ITGB5: variants seen among roughly 807,000 people sequenced by gnomAD.
The protein encoded by ITGB5 is integrin subunit beta 5, also known as integrin beta-5.
Under a neutral mutation model 84.8 loss-of-function variants are expected in ITGB5, and 38 were observed. The ratio of observed to expected loss-of-function variants is 0.45; its 90% CI spans 0.35 to 0.59. ITGB5 has a LOEUF of 0.59. Among genes scored for constraint, ITGB5 ranks in the 20% least tolerant of loss-of-function variants. The pLI is 0.01. For synonymous variants in ITGB5, 393 were observed against 414.4 expected, an observed-to-expected ratio of 0.95 and a Z score of 0.63; for missense variants, 905 against 1,034.5, an observed-to-expected ratio of 0.87 and a Z score of 1.72.
intron 14 of ITGB5, among the ~76,000 whole-genome samples, chr3:124,764,126 T>C (rs1288927417): frequency 2.0e-5 from 3 of 152,196 alleles, no homozygotes; most frequent in Non-Finnish European, 4.4e-5. Context: ...TCTCTGAGAC[T>C]GGTCAGACTC....
chr3:124,827,641 T>A (rs1350397492), intron 5 of ITGB5, among the ~76,000 whole-genome samples: 3 of 152,188 alleles, frequency 2.0e-5, no homozygotes, highest in African/African-American at 7.2e-5. Flanking sequence ...TGTAAAATGA[T>A]AAATGTTCTT....
At position 124,819,763 on chromosome 3, in the gene ITGB5, T is replaced by C. The variant is rs2107556461; in HGVS notation, c.1014A>G (p.Thr338=). ...CCTTGTACAGCATATAATGGTTTTT[T>C]GTCACTGCAAAGATGAGGTTGATGT... The part of the protein sequence containing the change: ...ENNINLIFAV[T]KNHYMLYKNF... Residue 338 remains threonine, a synonymous_variant, in exon 7 of 15, where the codon ACA becomes ACG. Coordinates refer to ENST00000296181, the MANE Select transcript of ITGB5 (RefSeq NM_002213.5). 2 of 1,613,542 alleles carry C rather than the reference T, an allele frequency of 1.2e-6. No homozygotes were observed. The highest frequency in any genetic ancestry group is 8.5e-7 in the Non-Finnish European group (1 of 1,179,450).
chr3:124,769,015 A>C lies in ITGB5; in HGVS notation c.2015T>G (p.Ile672Ser). 1 of 1,610,860 alleles carries C rather than the reference A, an allele frequency of 6.2e-7. No homozygotes were observed. The highest frequency in any genetic ancestry group is 1.3e-5 in the African/African-American group (1 of 74,986). The change falls in exon 12 of 15, where the codon ATC becomes AGC. Residue 672 changes from isoleucine to serine, a missense_variant and splice_region_variant. By Grantham distance (142) the Ile-to-Ser change is moderately radical. Coordinates refer to ENST00000296181, the MANE Select transcript of ITGB5 (RefSeq NM_002213.5). ...RDEVITWVDT[I>S]VKDDQEAVLC... ...CCGGGTGGTGGCAGCACACTCACCG[A>C]TGGTGTCCACCCATGTGATCACCTC...
intron 2 of ITGB5, chr3:124,863,373 G>A (rs529691476): frequency 3.9e-5 from 6 of 152,140 alleles, no homozygotes; most frequent in African/African-American, 4.8e-5. Flanking sequence ...TTTTTGACCC[G>A]ATAAGGAAAG....
At chr3:124,766,073 A>G (rs1018486799) in intron 13 of ITGB5, among the ~76,000 whole-genome samples, 153 bp downstream of exon 13, 24 of 151,864 alleles carry the variant, frequency 1.6e-4, no homozygotes, top group African/African-American at 5.8e-4. Context: ...AAAAAAAAAA[A>G]AAAGAAAAAG....
At chr3:124,823,685 A>G (rs113534091) in intron 5 of ITGB5, among the ~76,000 whole-genome samples, 3,728 of 150,846 alleles carry the variant, frequency 0.025, 180 homozygotes, top group African/African-American at 0.085. Flanking sequence ...TGATGTGTAC[A>G]TTTTGATAAA....
intron 1 of ITGB5, among the ~76,000 whole-genome samples, chr3:124,874,683 T>G (rs1934226813): frequency 1.3e-5 from 2 of 152,162 alleles, no homozygotes; most frequent in Non-Finnish European, 2.9e-5. Flanking sequence ...CAGAATAAAG[T>G]GCCCAGAAAT....
At chr3:124,900,342 G>A (rs56734656) in intron 1 of ITGB5, among the ~76,000 whole-genome samples, 4,607 of 152,246 alleles carry the variant, frequency 0.03, 235 homozygotes, top group African/African-American at 0.11. Context: ...AATTAAAGGG[G>A]TTAATATGTG....
At chr3:124,849,573 T>C (rs895411114) in intron 3 of ITGB5, among the ~76,000 whole-genome samples, 1 of 152,032 alleles carries the variant, frequency 6.6e-6, no homozygotes, top group South Asian at 2.1e-4. Context: ...GGAAGACAGA[T>C]TCCAAATTTT....
chr3:124,797,124 G>A (rs2064242469), intron 9 of ITGB5, among the ~76,000 whole-genome samples: 1 of 152,224 alleles, frequency 6.6e-6, no homozygotes, highest in African/African-American at 2.4e-5. Flanking sequence ...GCTTCCTTGA[G>A]TTCACACAGT....
intron 2 of ITGB5, among the ~76,000 whole-genome samples, chr3:124,869,361 A>C (rs1242985106): frequency 6.6e-6 from 1 of 152,084 alleles, no homozygotes; most frequent in Non-Finnish European, 1.5e-5. Flanking sequence ...AGATCACTTG[A>C]GCCCAGGAGT....
intron 7 of ITGB5, among the ~76,000 whole-genome samples, chr3:124,818,833 T>C (rs1047435123): frequency 6.6e-6 from 1 of 151,990 alleles, no homozygotes; most frequent in Non-Finnish European, 1.5e-5. Context: ...GCAGGAGCAA[T>C]AGAAAAACAC....
intron 10 of ITGB5, among the ~76,000 whole-genome samples, chr3:124,784,927 C>T (rs117508167): frequency 0.013 from 2,022 of 152,322 alleles, 34 homozygotes; most frequent in South Asian, 0.045. Context: ...ATATTCCACC[C>T]CAGGCTGGCC....
intron 5 of ITGB5, among the ~76,000 whole-genome samples, chr3:124,826,646 A>T (rs1322709664): frequency 1.3e-5 from 2 of 152,226 alleles, no homozygotes; most frequent in African/African-American, 4.8e-5. Context: ...ACTCTTGCCC[A>T]CATTCGTATA....
At chr3:124,804,986 CTTCCTTCT>C (rs1403756411) in intron 9 of ITGB5, among the ~76,000 whole-genome samples, 4 of 151,032 alleles carry the variant, frequency 2.6e-5, no homozygotes, top group Admixed American at 1.3e-4. Context: ...TCCTTCCTTC[CTTCCTTCT>C]TTCTTTTTCT....
intron 9 of ITGB5, among the ~76,000 whole-genome samples, chr3:124,807,014 G>A: frequency 6.6e-6 from 1 of 152,138 alleles, no homozygotes; most frequent in East Asian, 1.9e-4. Flanking sequence ...TTCATTTGTA[G>A]AGATTTAAGC....
At chr3:124,815,817 G>A (rs1470947798) in intron 8 of ITGB5, among the ~76,000 whole-genome samples, 1 of 152,162 alleles carries the variant, frequency 6.6e-6, no homozygotes, top group Non-Finnish European at 1.5e-5. Context: ...CACATAACCA[G>A]CTTACGTGTT....
At chr3:124,768,644 G>A (rs1027809969) in intron 12 of ITGB5, among the ~76,000 whole-genome samples, 29 of 152,140 alleles carry the variant, frequency 1.9e-4, no homozygotes, top group African/African-American at 4.8e-4. Context: ...CTATTTATCC[G>A]TTGATGGACA....
intron 1 of ITGB5, among the ~76,000 whole-genome samples, chr3:124,882,898 C>T (rs1247666221): frequency 6.6e-6 from 1 of 152,194 alleles, no homozygotes; most frequent in East Asian, 1.9e-4. Flanking sequence ...AAACTTTTCA[C>T]CATGAGGCCC....
Sources: allele counts gnomAD v4.1 joint callset (sites outside exome capture counted in the v4.1 genomes callset), GRCh38; gene constraint gnomAD v4.1.1; transcripts MANE v1.5; gene names NCBI Gene and HGNC (gene_info 2026-07-23, HGNC 2026-07-21).